Variants in STS observed in about 807,000 individuals in gnomAD.
STS encodes the protein steryl-sulfatase.
A neutral mutation model predicts 26.8 loss-of-function variants in STS; 7 were observed. That is an observed-to-expected ratio of 0.26 (90% confidence interval 0.15 to 0.49). STS has a LOEUF of 0.49. Among genes scored for constraint, STS ranks in the 20% least tolerant of loss-of-function variants. The pLI is 0.98. For missense variants in STS, 434 were observed against 465.6 expected, an observed-to-expected ratio of 0.93 and a Z score of 0.63; for synonymous variants, 199 against 189.4, an observed-to-expected ratio of 1.05 and a Z score of -0.42.
intron 9 of STS, among the ~76,000 whole-genome samples, chrX:7,332,684 A>T (rs1346181672): frequency 8.1e-5 from 9 of 110,928 alleles, no homozygotes; most frequent in Admixed American, 5.8e-4. Flanking sequence ...GGGATCTCAT[A>T]AAGGCCTGAG....
intron 8 of STS, among the ~76,000 whole-genome samples, chrX:7,324,507 G>C (rs1406780945): frequency 1.3e-4 from 15 of 111,910 alleles, no homozygotes; most frequent in African/African-American, 4.9e-4. Context: ...GGGCTATTTT[G>C]AAATATGTCA....
intron 7 of STS, among the ~76,000 whole-genome samples, chrX:7,299,295 TAATA>T (rs1409685159): frequency 1.0e-5 from 1 of 98,044 alleles, no homozygotes; most frequent in South Asian, 4.2e-4. Flanking sequence ...AATAACATGA[TAATA>T]AATATATAAT....
intron 10 of STS, 83 bp from the exon 11 acceptor site, chrX:7,349,805 A>G: frequency 8.6e-7 from 1 of 1,169,298 alleles, no homozygotes; most frequent in South Asian, 1.8e-5. Flanking sequence ...ACATGGCAGC[A>G]TAATTTCCGC....
rs73469522 is a variant in STS at position 7,256,094 on chromosome X, A to G, written c.138-1148A>G. On this transcript the variant is annotated intron_variant, in intron 3 of 10. Coordinates refer to ENST00000674429, the MANE Select transcript of STS (RefSeq NM_001320752.2). ...AAACAAGGAAGGGCACTGGAGGCCC[A>G]TGAGAATTCCATCTGTACCTGGAAC... Among the ~76,000 whole-genome samples, 392 of 112,224 alleles carry G rather than the reference A, an allele frequency of 3.5e-3. 2 individuals carry two copies. Among genetic ancestry groups the G allele is most frequent in the African/African-American group, 0.012 (381 of 30,905 alleles).
chrX:7,264,566 T>G (rs1923911043), intron 6 of STS, among the ~76,000 whole-genome samples: 1 of 111,055 alleles, frequency 9.0e-6, no homozygotes, highest in African/African-American at 3.3e-5. Context: ...AAAGGGAGAG[T>G]CCAGGACTAC....
intron 2 of STS, among the ~76,000 whole-genome samples, chrX:7,250,965 T>C (rs1923112125): frequency 8.9e-6 from 1 of 112,466 alleles, no homozygotes; most frequent in Non-Finnish European, 1.9e-5. Context: ...TTAGTCGTTG[T>C]TTGATTGTTT....
chrX:7,204,838 C>T (rs1165098641), intron 2 of STS, among the ~76,000 whole-genome samples: 1 of 106,542 alleles, frequency 9.4e-6, no homozygotes. Context: ...TTCCCTCCTC[C>T]CCTCCTTCCT....
chrX:7,199,507 G>T (rs1934030735), intron 2 of STS, among the ~76,000 whole-genome samples: 1 of 111,127 alleles, frequency 9.0e-6, no homozygotes, highest in Admixed American at 9.6e-5. Context: ...TAAAACTTAG[G>T]TTCTTGCTTA....
At chrX:7,159,662 A>G (rs961531762) in intron 1 of STS, among the ~76,000 whole-genome samples, 1 of 111,812 alleles carries the variant, frequency 8.9e-6, no homozygotes, top group Non-Finnish European at 1.9e-5. Context: ...TAGGGAGTCA[A>G]TAGGTGAATA....
At chrX:7,307,160 G>T (rs1926257981) in intron 8 of STS, among the ~76,000 whole-genome samples, 1 of 111,144 alleles carries the variant, frequency 9.0e-6, no homozygotes, top group Non-Finnish European at 1.9e-5. Context: ...AGGTCTCATT[G>T]TTACCTTGCT....
chrX:7,149,930 A>G (rs1268183100), intron 1 of STS, among the ~76,000 whole-genome samples: 6 of 112,154 alleles, frequency 5.3e-5, no homozygotes, highest in African/African-American at 1.9e-4. Context: ...ACCTCTGACA[A>G]AATCCTGTTT....
intron 8 of STS, among the ~76,000 whole-genome samples, chrX:7,319,591 T>C (rs753906244): frequency 9.1e-6 from 1 of 110,382 alleles, no homozygotes; most frequent in South Asian, 3.8e-4. Flanking sequence ...ACCCTAAAGA[T>C]GATGTACAGA....
intron 9 of STS, among the ~76,000 whole-genome samples, chrX:7,326,410 G>A (rs768543586): frequency 3.6e-5 from 4 of 111,427 alleles, no homozygotes; most frequent in South Asian, 7.6e-4. Flanking sequence ...TCACCCCACC[G>A]TAGCTTGCCA....
intron 3 of STS, 86 bp from the exon 4 acceptor site, chrX:7,257,156 G>A (rs758637471): frequency 1.7e-6 from 2 of 1,146,335 alleles, no homozygotes; most frequent in African/African-American, 3.6e-5. Flanking sequence ...CTCCAGCCTG[G>A]GTGACAGAGT....
At chrX:7,159,839 A>G (rs1298343561) in intron 1 of STS, among the ~76,000 whole-genome samples, 1 of 112,112 alleles carries the variant, frequency 8.9e-6, no homozygotes, top group Non-Finnish European at 1.9e-5. Flanking sequence ...TTTTTATGAT[A>G]GATTCGCTGA....
chrX:7,232,705 A>G (rs1412718544), intron 2 of STS, among the ~76,000 whole-genome samples: 2 of 111,906 alleles, frequency 1.8e-5, no homozygotes, highest in Non-Finnish European at 3.8e-5. Flanking sequence ...TATTGTGAAT[A>G]GTGATGTAGT....
At chrX:7,205,701 G>T (rs1050274742) in intron 2 of STS, among the ~76,000 whole-genome samples, 1 of 99,787 alleles carries the variant, frequency 1.0e-5, no homozygotes, top group African/African-American at 3.8e-5. Context: ...ACTCCTGGCT[G>T]GAGTGCAGTG....
chrX:7,277,514 G>T (rs1490572679), intron 7 of STS, among the ~76,000 whole-genome samples: 1 of 111,555 alleles, frequency 9.0e-6, no homozygotes, highest in South Asian at 3.8e-4. Flanking sequence ...ACAAGACTGG[G>T]CTCTTCTTCC....
intron 1 of STS, among the ~76,000 whole-genome samples, chrX:7,150,378 C>T (rs1932987285): frequency 9.0e-6 from 1 of 110,706 alleles, no homozygotes; most frequent in Non-Finnish European, 1.9e-5. Context: ...CCAGCCACCA[C>T]ACCCAGCTAA....
Sources: allele counts gnomAD v4.1 joint callset (sites outside exome capture counted in the v4.1 genomes callset), GRCh38; gene constraint gnomAD v4.1.1; transcripts MANE v1.5; gene names NCBI Gene and HGNC (gene_info 2026-07-23, HGNC 2026-07-21).